Variants in EFCAB11 observed in about 807,000 individuals in gnomAD.
EFCAB11 encodes the protein EF-hand calcium-binding domain-containing protein 11.
A neutral mutation model predicts 23.0 loss-of-function variants in EFCAB11; 14 were observed. The observed-to-expected ratio is 0.61, with a 90% CI of 0.40 to 0.95. The LOEUF (loss-of-function observed/expected upper bound fraction) is 0.95. Among genes scored for constraint, EFCAB11 ranks in the 40% least tolerant of loss-of-function variants. EFCAB11 has a pLI of 0.00. For synonymous variants in EFCAB11, 65 were observed against 66.6 expected (o/e 0.98, Z 0.11); for missense variants, 198 against 195.8 (o/e 1.01, Z -0.07).
chr14:89,901,685 A>T (rs1889341519), intron 5 of EFCAB11, among the ~76,000 whole-genome samples: 1 of 152,190 alleles, frequency 6.6e-6, no homozygotes, highest in African/African-American at 2.4e-5. Context: ...TTTCCCTGTA[A>T]GGTACAGGGA....
intron 5 of EFCAB11, among the ~76,000 whole-genome samples, chr14:89,873,490 C>G (rs970704103): frequency 2.0e-5 from 3 of 152,194 alleles, no homozygotes; most frequent in African/African-American, 7.2e-5. Flanking sequence ...AAAGTCTTAA[C>G]TAATTTCATC....
intron 5 of EFCAB11, chr14:89,924,049 A>G: frequency 1.0e-6 from 1 of 985,534 alleles, no homozygotes; most frequent in Non-Finnish European, 1.2e-6. Context: ...CTGTGATATA[A>G]CATCTATATA....
intron 3 of EFCAB11, among the ~76,000 whole-genome samples, chr14:89,939,778 G>A (rs755075558): frequency 9.2e-5 from 14 of 152,104 alleles, no homozygotes; most frequent in African/African-American, 1.2e-4. Context: ...TTGCTCTATC[G>A]CCCAGGCTGG....
At chr14:89,887,424 G>A (rs1444583589) in intron 5 of EFCAB11, among the ~76,000 whole-genome samples, 1 of 152,054 alleles carries the variant, frequency 6.6e-6, no homozygotes, top group Non-Finnish European at 1.5e-5. Flanking sequence ...GAAACACAGG[G>A]CCATTTATCA....
chr14:89,911,107 AT>A (rs1386846757), intron 5 of EFCAB11, among the ~76,000 whole-genome samples: 9 of 152,338 alleles, frequency 5.9e-5, no homozygotes, highest in African/African-American at 2.2e-4. Context: ...TTTTAGCAGT[AT>A]TTTAAAGCAA....
chr14:89,949,816 C>A (rs773256268), intron 3 of EFCAB11, among the ~76,000 whole-genome samples: 5 of 152,142 alleles, frequency 3.3e-5, no homozygotes, highest in Non-Finnish European at 5.9e-5. Flanking sequence ...ACAATCATGG[C>A]AGAAGGCAAA....
intron 5 of EFCAB11, among the ~76,000 whole-genome samples, chr14:89,900,683 A>C (rs980074157): frequency 2.0e-5 from 3 of 152,228 alleles, no homozygotes; most frequent in Non-Finnish European, 4.4e-5. Context: ...AAACAGGAGG[A>C]AAATCTATTA....
chr14:89,833,590 AG>A (rs1370390096), intron 5 of EFCAB11, among the ~76,000 whole-genome samples: 1 of 152,192 alleles, frequency 6.6e-6, no homozygotes, highest in Non-Finnish European at 1.5e-5. Context: ...TATGGCCCCT[AG>A]GCTGGTGTGT....
At chr14:89,798,621 G>A (rs1250214554) in intron 5 of EFCAB11, among the ~76,000 whole-genome samples, 4 of 152,188 alleles carry the variant, frequency 2.6e-5, no homozygotes, top group African/African-American at 9.7e-5. Context: ...ATCTCAGAGG[G>A]TGAGTTAAGT....
chr14:89,951,032 T>A (rs1328765011), intron 2 of EFCAB11, among the ~76,000 whole-genome samples: 2 of 151,542 alleles, frequency 1.3e-5, no homozygotes, highest in Non-Finnish European at 3.0e-5. Context: ...GAGCCCCAAG[T>A]CTATCTCCAG....
intron 5 of EFCAB11, among the ~76,000 whole-genome samples, chr14:89,894,049 G>A (rs1191815840): frequency 1.3e-5 from 2 of 151,618 alleles, no homozygotes; most frequent in African/African-American, 2.4e-5. Flanking sequence ...GCGCGATCTC[G>A]GCTCACTGCA....
chr14:89,941,861 AT>A (rs1821094098), intron 3 of EFCAB11, among the ~76,000 whole-genome samples: 1 of 152,082 alleles, frequency 6.6e-6, no homozygotes, highest in African/African-American at 2.4e-5. Flanking sequence ...AAAATGATAA[AT>A]AAAATATAAT....
intron 5 of EFCAB11, among the ~76,000 whole-genome samples, chr14:89,819,801 T>C (rs1018365476): frequency 1.8e-4 from 28 of 152,296 alleles, no homozygotes; most frequent in African/African-American, 6.7e-4. Context: ...TTCATGTGTA[T>C]ACATACCAAA....
At chr14:89,815,512 C>T (rs530280733) in intron 5 of EFCAB11, among the ~76,000 whole-genome samples, 2 of 150,750 alleles carry the variant, frequency 1.3e-5, no homozygotes, top group East Asian at 3.9e-4. Flanking sequence ...CTGCAACCTC[C>T]GCCTCCCAGG....
At chr14:89,950,738 T>C (rs572061625) in intron 2 of EFCAB11, among the ~76,000 whole-genome samples, 8 of 152,270 alleles carry the variant, frequency 5.3e-5, no homozygotes, top group African/African-American at 9.6e-5. Flanking sequence ...TTTACCACAC[T>C]GTTACAAGGG....
intron 5 of EFCAB11, among the ~76,000 whole-genome samples, chr14:89,823,223 G>C (rs1385582421): frequency 1.3e-5 from 2 of 152,162 alleles, no homozygotes; most frequent in African/African-American, 4.8e-5. Flanking sequence ...CACATGAAAA[G>C]GAATATGGGC....
At position 89,846,388 on chromosome 14, in the gene EFCAB11, C is replaced by T. The variant is rs556771884; in HGVS notation, c.411-49064G>A. 4.6e-5 allele frequency among the ~76,000 whole-genome samples: 7 copies of T among 152,236 alleles called. No homozygotes were observed. The South Asian group carries it at 1.0e-3, about 23-fold the overall frequency. On this transcript the variant is annotated intron_variant, in intron 5 of 5. Coordinates refer to ENST00000316738, the MANE Select transcript of EFCAB11 (RefSeq NM_145231.4). ...TGTTTCCATCATAATGGGGAAGGAC[C>T]TCTTTAGACATTACATTTGGATTAT...
intron 5 of EFCAB11, among the ~76,000 whole-genome samples, chr14:89,827,783 G>A (rs531772486): frequency 4.5e-4 from 68 of 152,058 alleles, no homozygotes; most frequent in African/African-American, 1.6e-3. Context: ...ACAGGCATGT[G>A]CCACCATGCC....
chr14:89,954,499 G>A, intron 1 of EFCAB11, 87 bp downstream of exon 1: 1 of 1,565,004 alleles, frequency 6.4e-7, no homozygotes, highest in African/African-American at 1.4e-5. Context: ...CTGCACACCC[G>A]GCAGAGTGAG....
Sources: gnomAD v4.1 joint callset for allele counts (sites outside exome capture counted in the v4.1 genomes callset) on GRCh38, gnomAD v4.1.1 for gene constraint, MANE v1.5 for transcripts, NCBI Gene and HGNC (gene_info 2026-07-23, HGNC 2026-07-21) for gene names.